POU6F2: variants seen among roughly 807,000 people sequenced by gnomAD.
POU6F2 encodes POU domain, class 6, transcription factor 2.
POU6F2 carries 31 observed loss-of-function variants against 71.3 expected under a neutral mutation model. The ratio of observed to expected loss-of-function variants is 0.43; its 90% CI spans 0.33 to 0.59. The LOEUF (loss-of-function observed/expected upper bound fraction) is 0.59, where lower values mean the gene tolerates loss of function less well. POU6F2 is among the 20% of genes least tolerant of loss of function. The probability of loss-of-function intolerance (pLI) is 0.04; values close to 1 mark genes in which losing one functional copy is unlikely to be tolerated. For missense variants in POU6F2, 783 were observed against 856.8 expected (o/e 0.91, Z 1.07); for synonymous variants, 347 against 355.7 (o/e 0.98, Z 0.27).
chr7:39,258,131 G>A (rs950758799), intron 4 of POU6F2, among the ~76,000 whole-genome samples: 1 of 152,114 alleles, frequency 6.6e-6, no homozygotes, highest in Non-Finnish European at 1.5e-5. Flanking sequence ...ATATCCTTGG[G>A]TAGTGGAATT....
intron 5 of POU6F2, among the ~76,000 whole-genome samples, chr7:39,375,123 G>A (rs879173968): frequency 6.6e-6 from 1 of 152,058 alleles, no homozygotes; most frequent in Non-Finnish European, 1.5e-5. Context: ...GGGGGCTGGC[G>A]GGAAGATGAA....
At chr7:39,026,268 A>C (rs921137030) in intron 1 of POU6F2, among the ~76,000 whole-genome samples, 34 of 152,008 alleles carry the variant, frequency 2.2e-4, no homozygotes, top group African/African-American at 7.7e-4. Context: ...CCAAAGGACT[A>C]TAAATCATGC....
intron 2 of POU6F2, among the ~76,000 whole-genome samples, chr7:39,167,866 C>T (rs1420303384): frequency 1.3e-5 from 2 of 151,882 alleles, no homozygotes; most frequent in East Asian, 1.9e-4. Context: ...ATATTTTATA[C>T]AGTCACATAT....
intron 5 of POU6F2, among the ~76,000 whole-genome samples, chr7:39,346,033 A>G (rs1786027551): frequency 1.3e-5 from 2 of 152,228 alleles, no homozygotes; most frequent in South Asian, 2.1e-4. Flanking sequence ...TAAAATAAAC[A>G]TAACATATTT....
intron 1 of POU6F2, among the ~76,000 whole-genome samples, chr7:39,029,835 G>A (rs1356050700): frequency 6.6e-6 from 1 of 151,560 alleles, no homozygotes; most frequent in African/African-American, 2.4e-5. Flanking sequence ...ATATTAAATG[G>A]CATTTATAGA....
At chr7:39,081,136 A>G (rs1225429705) in intron 1 of POU6F2, among the ~76,000 whole-genome samples, 1 of 152,214 alleles carries the variant, frequency 6.6e-6, no homozygotes, top group Non-Finnish European at 1.5e-5. Context: ...ATCATATATC[A>G]TATATGCTAA....
intron 6 of POU6F2, among the ~76,000 whole-genome samples, chr7:39,424,966 C>T (rs990045206): frequency 6.6e-6 from 1 of 152,094 alleles, no homozygotes; most frequent in Non-Finnish European, 1.5e-5. Flanking sequence ...GAGAAATATT[C>T]AAGTCCGATA....
chr7:39,463,986 C>T (rs1187791744), intron 9 of POU6F2, among the ~76,000 whole-genome samples, 196 bp from the exon 10 acceptor site: 2 of 152,204 alleles, frequency 1.3e-5, no homozygotes, highest in African/African-American at 2.4e-5. Context: ...CCTGTCTGTG[C>T]ACCTGTGTGG....
At chr7:39,222,045 C>T (rs898785149) in intron 4 of POU6F2, among the ~76,000 whole-genome samples, 1 of 151,988 alleles carries the variant, frequency 6.6e-6, no homozygotes, top group African/African-American at 2.4e-5. Flanking sequence ...TTTTCACCAC[C>T]AAAAGTTAGC....
At chr7:39,371,346 AT>A (rs915642816) in intron 5 of POU6F2, among the ~76,000 whole-genome samples, 1 of 151,860 alleles carries the variant, frequency 6.6e-6, no homozygotes. Context: ...CACCCAGCTA[AT>A]TTTTTTGTAT....
chr7:39,154,995 T>C (rs575721246), intron 2 of POU6F2, among the ~76,000 whole-genome samples: 2 of 152,084 alleles, frequency 1.3e-5, no homozygotes, highest in South Asian at 4.1e-4. Context: ...GGGGTGGACC[T>C]GTGGAATAAA....
intron 4 of POU6F2, among the ~76,000 whole-genome samples, chr7:39,208,485 T>C (rs1402284399): frequency 6.6e-6 from 1 of 152,230 alleles, no homozygotes; most frequent in African/African-American, 2.4e-5. Context: ...GTTATCAGAA[T>C]AGCAATTTAA....
chr7:39,027,864 A>G (rs1191062508), intron 1 of POU6F2, among the ~76,000 whole-genome samples: 1 of 152,140 alleles, frequency 6.6e-6, no homozygotes, highest in Non-Finnish European at 1.5e-5. Context: ...GCATTCCATG[A>G]CATTCTTTTC....
At chr7:39,054,826 C>T (rs989535980) in intron 1 of POU6F2, among the ~76,000 whole-genome samples, 1 of 150,646 alleles carries the variant, frequency 6.6e-6, no homozygotes, top group Non-Finnish European at 1.5e-5. Context: ...AACCATGTCT[C>T]ACACACTTAT....
Position 39,169,427 on chromosome 7 carries a change from C to T in POU6F2, c.278-34808C>T, listed in dbSNP as rs145061346. Among the ~76,000 whole-genome samples the T allele has an allele frequency of 2.0e-3, 306 of 152,166 alleles. 1 individual carries two copies. Among genetic ancestry groups the T allele is most frequent in the African/African-American group, 7.2e-3 (298 of 41,488 alleles). ...CAACACGCCCATAAAGTGTCTGGGC[C>T]CCTCCAAAACAACAAAAACCAACAA... On this transcript the variant is annotated intron_variant, in intron 2 of 9. Coordinates refer to ENST00000518318, the MANE Select transcript of POU6F2 (RefSeq NM_001370959.1).
chr7:39,153,798 A>G (rs1792807346), intron 2 of POU6F2, among the ~76,000 whole-genome samples: 1 of 152,190 alleles, frequency 6.6e-6, no homozygotes, highest in African/African-American at 2.4e-5. Flanking sequence ...CATCCAGGCC[A>G]AAGAGTGCAG....
At chr7:39,376,224 A>T (rs987723827) in intron 5 of POU6F2, among the ~76,000 whole-genome samples, 6 of 152,090 alleles carry the variant, frequency 3.9e-5, no homozygotes, top group Non-Finnish European at 7.4e-5. Context: ...GTCATATAAG[A>T]CTCCACAGTT....
intron 7 of POU6F2, among the ~76,000 whole-genome samples, chr7:39,444,132 C>T (rs1342529623): frequency 1.3e-5 from 2 of 152,204 alleles, no homozygotes; most frequent in Non-Finnish European, 2.9e-5. Context: ...GATGATGATT[C>T]TTTCCAATGA....
chr7:38,979,187 T>C (rs1256436669), intron 1 of POU6F2, among the ~76,000 whole-genome samples: 4 of 118,800 alleles, frequency 3.4e-5, no homozygotes, highest in Admixed American at 9.2e-5. Context: ...GTCACGAATA[T>C]TTATAAACTC....
Sources: allele counts gnomAD v4.1 joint callset (sites outside exome capture counted in the v4.1 genomes callset), GRCh38; gene constraint gnomAD v4.1.1; transcripts MANE v1.5; gene names NCBI Gene and HGNC (gene_info 2026-07-23, HGNC 2026-07-21).